The following UBAP2L variants were observed in gnomAD, a reference collection of about 807,000 sequenced individuals.
The protein encoded by UBAP2L is ubiquitin-associated protein 2-like.
UBAP2L carries 12 observed loss-of-function variants against 130.6 expected under a neutral mutation model. The ratio of observed to expected loss-of-function variants is 0.09; its 90% confidence interval spans 0.06 to 0.15. The LOEUF (loss-of-function observed/expected upper bound fraction) is 0.15, where lower values mean the gene tolerates loss of function less well. UBAP2L is among the 10% of genes least tolerant of loss of function. The pLI, the probability that UBAP2L is intolerant of heterozygous loss-of-function variation, is 1.00. For synonymous variants in UBAP2L, 503 were observed against 524.7 expected (o/e 0.96, Z 0.57); for missense variants, 965 against 1,332.5 (o/e 0.72, Z 4.29).
At chr1:154,258,264 T>C (rs1213953866) in intron 20 of UBAP2L, among the ~76,000 whole-genome samples, 1 of 152,216 alleles carries the variant, frequency 6.6e-6, no homozygotes, top group Non-Finnish European at 1.5e-5. Flanking sequence ...CCTGAGCCAC[T>C]ACTCCTGGCC....
chr1:154,259,337 C>A lies in UBAP2L; in HGVS notation c.2496+307C>A, dbSNP rs188830500. Among the ~76,000 whole-genome samples the A allele has an allele frequency of 1.6e-3, 247 of 152,024 alleles. 2 individuals are homozygous for A. The highest frequency in any genetic ancestry group is 3.2e-3 in the Admixed American group (49 of 15,272). Reference sequence around the variant, plus strand: ...TTCCGAGTAGCTGGGATTAAAGGTGCCCACCACCACCCCCAGCTAATTTTT... The same window carrying A: ...TTCCGAGTAGCTGGGATTAAAGGTGACCACCACCACCCCCAGCTAATTTTT... On this transcript the variant is annotated intron_variant, in intron 21 of 26. Transcript: ENST00000428931.
At chr1:154,237,406 GAGGTTAT>G (rs1459984258) in intron 8 of UBAP2L, among the ~76,000 whole-genome samples, 1 of 152,222 alleles carries the variant, frequency 6.6e-6, no homozygotes, top group Non-Finnish European at 1.5e-5. Context: ...GGCCGAAAGA[GAGGTTAT>G]AAATTTGCTA....
intron 4 of UBAP2L, 124 bp downstream of exon 4, chr1:154,228,849 A>G (rs556502272): frequency 8.1e-5 from 49 of 602,104 alleles, no homozygotes; most frequent in Non-Finnish European, 1.3e-4. Context: ...AAAGTTGGGA[A>G]CTTTCTTGGA....
intron 26 of UBAP2L, chr1:154,269,381 TTC>T: frequency 7.6e-7 from 1 of 1,315,896 alleles, no homozygotes; most frequent in Non-Finnish European, 1.0e-6. Flanking sequence ...TTGCAGATGA[TTC>T]TCTGTTGCCA....
rs763724745 is a variant in UBAP2L at position 154,241,502 on chromosome 1, T to G, written c.704-11T>G. On this transcript the variant is annotated splice_polypyrimidine_tract_variant and intron_variant, in intron 8 of 26. Coordinates refer to ENST00000428931, the MANE Select transcript of UBAP2L (RefSeq NM_014847.4). ...TAGTGAAGTTACTTCACTATTTTTCTTTATTCTCAGGTGCATGGAGGACTG... is the reference window on the plus strand; with the variant it reads ...TAGTGAAGTTACTTCACTATTTTTCGTTATTCTCAGGTGCATGGAGGACTG... 25 of 1,613,526 alleles carry G rather than the reference T, an allele frequency of 1.5e-5. No homozygotes were observed. The South Asian group carries it at 2.7e-4, about 18-fold the overall frequency.
At chr1:154,263,199 G>A in intron 24 of UBAP2L, 1 of 1,549,356 alleles carries the variant, frequency 6.5e-7, no homozygotes, top group African/African-American at 1.4e-5. Flanking sequence ...GTATAAATTT[G>A]CACTGAAGTC....
chr1:154,221,724 C>T (rs569396006), intron 1 of UBAP2L, among the ~76,000 whole-genome samples: 2 of 152,330 alleles, frequency 1.3e-5, no homozygotes, highest in African/African-American at 4.8e-5. Flanking sequence ...CCTCTTATTA[C>T]CCTCCCTTCT....
At chr1:154,262,053 AG>A (rs35626288) in intron 24 of UBAP2L, among the ~76,000 whole-genome samples, 4 of 152,344 alleles carry the variant, frequency 2.6e-5, no homozygotes, top group Admixed American at 2.6e-4. Context: ...ATAGTACAAA[AG>A]GGGGGTGTAT....
At chr1:154,224,404 A>C (rs917193363) in intron 1 of UBAP2L, among the ~76,000 whole-genome samples, 4 of 152,142 alleles carry the variant, frequency 2.6e-5, no homozygotes, top group Non-Finnish European at 4.4e-5. Flanking sequence ...TGTTGGAATT[A>C]TTTTCCAGAG....
intron 21 of UBAP2L, among the ~76,000 whole-genome samples, chr1:154,259,489 G>T (rs560241175): frequency 6.6e-6 from 1 of 151,858 alleles, no homozygotes; most frequent in African/African-American, 2.4e-5. Context: ...GCCGCACCCA[G>T]CCTTTTTTTT....
At chr1:154,253,856 G>A (rs1678743575) in intron 14 of UBAP2L, 44 bp from the exon 15 acceptor site, 2 of 1,592,506 alleles carry the variant, frequency 1.3e-6, no homozygotes, top group South Asian at 2.2e-5. Context: ...GAGTAGATAT[G>A]CTCTATTTTG....
chr1:154,220,863 A>AGGCGCGAGAGCG (rs1460968049), upstream of UBAP2L: 2 of 105,332 alleles, frequency 1.9e-5, no homozygotes, highest in African/African-American at 7.7e-5. Context: ...GGGCGGGGGA[A>AGGCGCGAGAGCG]GGCGCGAGAG....
chr1:154,264,255 G>C (rs1456083987), intron 24 of UBAP2L, among the ~76,000 whole-genome samples: 1 of 152,212 alleles, frequency 6.6e-6, no homozygotes, highest in African/African-American at 2.4e-5. Flanking sequence ...GCCCTTTGGA[G>C]TAATTTTGCT....
chr1:154,266,807 T>A (rs1212352), intron 25 of UBAP2L, among the ~76,000 whole-genome samples: 99,197 of 152,036 alleles, frequency 0.65, 33,633 homozygotes, highest in African/African-American at 0.84. Context: ...AAATTGTTTA[T>A]CGTGTCATGT....
At chr1:154,249,503 G>C (rs1346430272) in intron 12 of UBAP2L, 66 bp downstream of exon 12, 19 of 1,596,434 alleles carry the variant, frequency 1.2e-5, no homozygotes, top group Admixed American at 1.7e-5. Context: ...AGGCTAGCAG[G>C]GGGAGGGGGT....
At chr1:154,226,065 C>T (rs1428401594) in intron 2 of UBAP2L, among the ~76,000 whole-genome samples, 10 of 152,366 alleles carry the variant, frequency 6.6e-5, no homozygotes, top group South Asian at 2.1e-4. Flanking sequence ...CCACCTGCCT[C>T]GGCCTCCCAG....
At position 154,246,331 on chromosome 1, in the gene UBAP2L, A is replaced by G. The variant is rs778986394; in HGVS notation, c.970A>G (p.Ile324Val). The G allele has an allele frequency of 2.5e-6, 4 of 1,613,532 alleles. No homozygotes were observed. Among genetic ancestry groups the G allele is most frequent in the Non-Finnish European group, 3.4e-6 (4 of 1,179,794 alleles). The change falls in exon 11 of 27, where the codon ATA becomes GTA. Residue 324 changes from isoleucine to valine, a missense_variant. Physicochemically the swap from Ile to Val is conservative, Grantham distance 29 (BLOSUM62 3). Around this residue, in one of 9 missense-constraint regions of UBAP2L, gnomAD observed 99 missense variants for 106.4 expected, o/e 0.93. Transcript: ENST00000428931. ...GTTCAGTAATTCGAAGCAGACTGCC[A>G]TATCACAGCCTGCTTCAGGGAACAC... Reference protein sequence around the residue: ...LVFSNSKQTAISQPASGNTFS... With the variant: ...LVFSNSKQTAVSQPASGNTFS...
chr1:154,249,165 G>T, intron 11 of UBAP2L, 74 bp from the exon 12 acceptor site: 1 of 1,462,956 alleles, frequency 6.8e-7, no homozygotes, highest in South Asian at 1.2e-5. Context: ...CTCTCGGTCT[G>T]GATAAGTGTC....
intron 2 of UBAP2L, among the ~76,000 whole-genome samples, chr1:154,226,113 C>G (rs1667857545): frequency 6.6e-6 from 1 of 152,210 alleles, no homozygotes; most frequent in Non-Finnish European, 1.5e-5. Context: ...TGTGCCCTGC[C>G]CCACCTTGAT....
Sources: gnomAD v4.1 joint callset for allele counts (sites outside exome capture counted in the v4.1 genomes callset) on GRCh38, gnomAD v4.1.1 for gene constraint, gnomAD v4.1.1 regional missense constraint, MANE v1.5 for transcripts, NCBI Gene and HGNC (gene_info 2026-07-23, HGNC 2026-07-21) for gene names.